ATE1: variants seen among roughly 807,000 people sequenced by gnomAD.
ATE1 encodes the protein arginyltransferase 1.
A neutral mutation model predicts 70.5 loss-of-function variants in ATE1; 36 were observed. The observed-to-expected ratio is 0.51, with a 90% CI of 0.39 to 0.67. The LOEUF (loss-of-function observed/expected upper bound fraction) is 0.67, where lower values mean the gene tolerates loss of function less well. Ranked by LOEUF, ATE1 falls within the 30% of genes least tolerant of loss-of-function variation. The pLI is 0.00. For synonymous variants in ATE1, 232 were observed against 219.3 expected (o/e 1.06, Z -0.51); for missense variants, 593 against 629.5 (o/e 0.94, Z 0.62).
chr10:121,916,586 A>G (rs1235894843), intron 3 of ATE1, among the ~76,000 whole-genome samples: 1 of 152,152 alleles, frequency 6.6e-6, no homozygotes, highest in Non-Finnish European at 1.5e-5. Context: ...TTGCAATCCC[A>G]ACACTTTGGG....
intron 4 of ATE1, among the ~76,000 whole-genome samples, chr10:121,912,892 G>A (rs1951499777): frequency 6.6e-6 from 1 of 151,310 alleles, no homozygotes; most frequent in Admixed American, 6.6e-5. Flanking sequence ...GCACCACGAA[G>A]CTCGGCCAAT....
At chr10:121,810,422 C>T (rs1947272547) in intron 10 of ATE1, among the ~76,000 whole-genome samples, 1 of 152,072 alleles carries the variant, frequency 6.6e-6, no homozygotes, top group Non-Finnish European at 1.5e-5. Flanking sequence ...AGGTGACTGC[C>T]ACCATGCCTG....
intron 11 of ATE1, among the ~76,000 whole-genome samples, chr10:121,756,466 G>T (rs1315418041): frequency 6.6e-6 from 1 of 152,234 alleles, no homozygotes; most frequent in African/African-American, 2.4e-5. Context: ...CTCTGTGGGA[G>T]GGCTCCAATG....
At chr10:121,925,757 C>G (rs965589668) in intron 1 of ATE1, among the ~76,000 whole-genome samples, 5 of 151,978 alleles carry the variant, frequency 3.3e-5, no homozygotes, top group African/African-American at 9.7e-5. Context: ...TGGCCTGTGC[C>G]TGTGGTCCCA....
At chr10:121,793,171 G>A (rs2420959) in intron 10 of ATE1, among the ~76,000 whole-genome samples, 100,502 of 152,028 alleles carry the variant, frequency 0.66, 33,337 homozygotes, top group African/African-American at 0.71. Flanking sequence ...GATGTTCAAC[G>A]TTGTCAGTTA....
At chr10:121,775,437 C>A (rs1436129058) in intron 11 of ATE1, among the ~76,000 whole-genome samples, 1 of 151,910 alleles carries the variant, frequency 6.6e-6, no homozygotes, top group African/African-American at 2.4e-5. Context: ...AACTATGTAA[C>A]CAATGTGCAC....
intron 8 of ATE1, among the ~76,000 whole-genome samples, chr10:121,852,042 A>C (rs1949075094): frequency 2.0e-5 from 3 of 152,220 alleles, no homozygotes; most frequent in Non-Finnish European, 4.4e-5. Flanking sequence ...ACCTGCTTCT[A>C]TGTACCTTAG....
chr10:121,879,197 T>C (rs1333154246), intron 7 of ATE1, among the ~76,000 whole-genome samples: 1 of 152,176 alleles, frequency 6.6e-6, no homozygotes, highest in East Asian at 1.9e-4. Context: ...GCCTCATCAG[T>C]GTCCCGGATG....
At chr10:121,871,548 C>G (rs1564914024) in intron 7 of ATE1, among the ~76,000 whole-genome samples, 1 of 152,150 alleles carries the variant, frequency 6.6e-6, no homozygotes, top group African/African-American at 2.4e-5. Flanking sequence ...GTGATTCTAT[C>G]TACTTTGTAA....
intron 7 of ATE1, among the ~76,000 whole-genome samples, chr10:121,897,194 T>C (rs1324395885): frequency 1.3e-5 from 2 of 152,206 alleles, no homozygotes; most frequent in African/African-American, 4.8e-5. Flanking sequence ...AGTGCTGCTC[T>C]AAGTCTGCAT....
At chr10:121,827,041 G>A (rs2133652209) in intron 10 of ATE1, among the ~76,000 whole-genome samples, 1 of 149,384 alleles carries the variant, frequency 6.7e-6, no homozygotes, top group Non-Finnish European at 1.5e-5. Flanking sequence ...TTGAGATGGA[G>A]TCTCTCTCTG....
intron 10 of ATE1, among the ~76,000 whole-genome samples, chr10:121,820,577 A>G (rs1489048442): frequency 6.6e-6 from 1 of 152,216 alleles, no homozygotes; most frequent in Admixed American, 6.5e-5. Flanking sequence ...GTTATTTGGA[A>G]GAAATCTACA....
At chr10:121,914,968 G>A (rs1026834262) in intron 3 of ATE1, among the ~76,000 whole-genome samples, 1 of 152,104 alleles carries the variant, frequency 6.6e-6, no homozygotes, top group Non-Finnish European at 1.5e-5. Flanking sequence ...CAGTAAACAA[G>A]GCCGAGAAAC....
rs76763691 is a variant in ATE1, at chr10:121,918,399, C to T, written c.233+3950G>A. On this transcript the variant is annotated intron_variant, in intron 3 of 11. Transcript: ENST00000224652. ...GACGCAATTCAGGAAACATTTGATGCCACGTAAAATGCAAAAATCACATAA... is the reference window on the plus strand; with the variant it reads ...GACGCAATTCAGGAAACATTTGATGTCACGTAAAATGCAAAAATCACATAA... Among the ~76,000 whole-genome samples the T allele has an allele frequency of 1.7e-3, 265 of 151,886 alleles. 7 individuals are homozygous for T. The East Asian group carries it at 0.047, about 27-fold the overall frequency.
intron 4 of ATE1, among the ~76,000 whole-genome samples, chr10:121,912,815 G>A (rs1484155002): frequency 6.6e-6 from 1 of 150,560 alleles, no homozygotes; most frequent in African/African-American, 2.4e-5. Context: ...CAGGATCTTG[G>A]CTCACTGCAG....
chr10:121,822,265 T>C (rs1384371244), intron 10 of ATE1, among the ~76,000 whole-genome samples: 2 of 152,206 alleles, frequency 1.3e-5, no homozygotes, highest in African/African-American at 4.8e-5. Flanking sequence ...AAGATAATGT[T>C]GAGTGAAACC....
chr10:121,877,468 A>T (rs936530983), intron 7 of ATE1, among the ~76,000 whole-genome samples: 9 of 152,156 alleles, frequency 5.9e-5, no homozygotes, highest in Non-Finnish European at 1.3e-4. Flanking sequence ...GGTATGGAGT[A>T]TAGTTATTTC....
chr10:121,900,159 A>T (rs1950925130), intron 6 of ATE1, among the ~76,000 whole-genome samples, 165 bp from the exon 7 acceptor site: 1 of 152,234 alleles, frequency 6.6e-6, no homozygotes, highest in Non-Finnish European at 1.5e-5. Flanking sequence ...TAAAGAAAAA[A>T]GTTATTTTTG....
chr10:121,870,068 C>T, intron 7 of ATE1, 30 bp from the exon 8 acceptor site: 1 of 1,602,702 alleles, frequency 6.2e-7, no homozygotes, highest in Non-Finnish European at 8.5e-7. Flanking sequence ...GAATCCATTT[C>T]ATCCAGTAAA....
Sources: gnomAD v4.1 joint callset for allele counts (sites outside exome capture counted in the v4.1 genomes callset) on GRCh38, gnomAD v4.1.1 for gene constraint, MANE v1.5 for transcripts, NCBI Gene and HGNC (gene_info 2026-07-23, HGNC 2026-07-21) for gene names.